PPP2R5C: variants seen among roughly 807,000 people sequenced by gnomAD.
PPP2R5C encodes the protein serine/threonine-protein phosphatase 2A 56 kDa regulatory subunit gamma isoform.
PPP2R5C carries 7 observed loss-of-function variants against 68.9 expected under a neutral mutation model. The ratio of observed to expected loss-of-function variants is 0.10; its 90% CI spans 0.06 to 0.19. The LOEUF (loss-of-function observed/expected upper bound fraction) is 0.19, where lower values mean the gene tolerates loss of function less well. Among genes scored for constraint, PPP2R5C ranks in the 10% least tolerant of loss-of-function variants. PPP2R5C has a pLI of 1.00. For missense variants in PPP2R5C, 348 were observed against 641.3 expected (o/e 0.54, Z 4.94); for synonymous variants, 210 against 222.2 (o/e 0.95, Z 0.49).
Position 101,837,933 on chromosome 14 carries a change from A to G in PPP2R5C, c.95-18753A>G, listed in dbSNP as rs144837131. On this transcript the variant is annotated intron_variant, in intron 1 of 13. Transcript: ENST00000334743. ...GACAGCTGGCAAGTGGGAGACTGAG[A>G]TTCAGGCTGGGCTGTCGGACTTGGC... is the stretch of plus-strand genomic sequence containing the variant. 5.3e-3 allele frequency among the ~76,000 whole-genome samples: 813 copies of G among 152,304 alleles called. 6 individuals carry two copies. Among genetic ancestry groups the G allele is most frequent in the African/African-American group, 0.018 (766 of 41,564 alleles).
intron 1 of PPP2R5C, among the ~76,000 whole-genome samples, chr14:101,814,123 G>A (rs549140786): frequency 2.0e-5 from 3 of 152,270 alleles, no homozygotes; most frequent in Admixed American, 6.5e-5. Flanking sequence ...GTGAGAATGG[G>A]TGCCCCCTGT....
intron 2 of PPP2R5C, among the ~76,000 whole-genome samples, chr14:101,776,881 CTTTT>C (rs1302841711): frequency 7.1e-6 from 1 of 140,260 alleles, no homozygotes. Flanking sequence ...ACCTCATTCC[CTTTT>C]TTTTTTTTTT....
chr14:101,910,660 A>C (rs561605037), intron 11 of PPP2R5C, among the ~76,000 whole-genome samples: 3 of 151,608 alleles, frequency 2.0e-5, no homozygotes, highest in Non-Finnish European at 4.4e-5. Context: ...GTGAAACCCC[A>C]TCTCTACTAA....
intron 1 of PPP2R5C, among the ~76,000 whole-genome samples, chr14:101,856,334 T>C (rs768811845): frequency 5.3e-5 from 8 of 152,248 alleles, no homozygotes; most frequent in Non-Finnish European, 8.8e-5. Context: ...TGGACCTTAC[T>C]GGTTGCCTCT....
intron 13 of PPP2R5C, among the ~76,000 whole-genome samples, chr14:101,924,299 G>C (rs2141219731): frequency 6.6e-6 from 1 of 151,924 alleles, no homozygotes; most frequent in East Asian, 1.9e-4. Context: ...TTTTTTTTAA[G>C]TGAAACCAAA....
rs1237447595 is a variant in PPP2R5C at position 101,783,413 on chromosome 14, G to T, written c.94-2605G>T. Among the ~76,000 whole-genome samples the T allele has an allele frequency of 5.9e-5, 9 of 151,300 alleles. No homozygotes were observed. In the South Asian group the frequency reaches 1.7e-3, roughly 28 times the overall value. On this transcript the variant is annotated intron_variant, in intron 2 of 14. Transcript: ENST00000328724. ...GAGCTGATGTCCCATCGGGGAGGAA[G>T]ATGCCCCCTCAGAGTTGGTGGGAGC...
At chr14:101,897,206 G>T (rs987823998) in intron 8 of PPP2R5C, among the ~76,000 whole-genome samples, 3 of 152,178 alleles carry the variant, frequency 2.0e-5, no homozygotes, top group Non-Finnish European at 2.9e-5. Flanking sequence ...CATAGTCAAG[G>T]CTTAGGGTGA....
In PPP2R5C at chr14:101,906,768, A is replaced by G; in HGVS notation, c.1151+239A>G. On this transcript the variant is annotated intron_variant, in intron 10 of 13. Transcript: ENST00000334743. This position sits in a 1 kb window ranked among gnomAD's most constrained non-coding sequence, Gnocchi z 4.0. ...GCACATTGGTTTGCAGCCACCTCCC[A>G]GTAGCAGCAGTTTCTAGGCCTCTTC... 2.2e-6 allele frequency: 1 copy of G among 462,356 alleles called. No homozygotes were observed. The highest frequency in any genetic ancestry group is 2.9e-5 in the South Asian group (1 of 33,956). The allele number at this position is 462,356 out of a possible 1,614,324, so 28.6% of individuals were successfully genotyped here.
intron 2 of PPP2R5C, among the ~76,000 whole-genome samples, chr14:101,776,026 C>G (rs889688366): frequency 4.1e-5 from 6 of 145,562 alleles, no homozygotes; most frequent in Non-Finnish European, 7.6e-5. Context: ...GATTGTGCCC[C>G]CCCCCCACTC....
chr14:101,849,806 A>G (rs2042046829), intron 1 of PPP2R5C, among the ~76,000 whole-genome samples: 4 of 151,938 alleles, frequency 2.6e-5, no homozygotes, highest in Admixed American at 2.6e-4. Flanking sequence ...CTCCTCTGCA[A>G]CCCTCTGCTG....
rs762428549 is a variant in PPP2R5C, at chr14:101,836,282, G to A, written c.95-20404G>A. The A allele has an allele frequency of 4.9e-4, 342 of 702,700 alleles. 1 individual carries two copies. The highest frequency in any genetic ancestry group is 4.6e-4 in the Middle Eastern group (2 of 4,364). 43.5% of individuals were successfully genotyped at this position (702,700 alleles called of 1,614,324 possible). ...AGAGCAAACCCATGGAGAACCCCGC[G>A]GCCCCCAAAGCATGGACGGAGCTGC... On this transcript the variant is annotated intron_variant, in intron 1 of 13. Coordinates refer to ENST00000334743, the Ensembl canonical transcript of PPP2R5C.
At chr14:101,862,720 T>C (rs1485090602) in intron 2 of PPP2R5C, among the ~76,000 whole-genome samples, 4 of 152,198 alleles carry the variant, frequency 2.6e-5, no homozygotes. Flanking sequence ...TAAAGAAATT[T>C]ACAGAAATGT....
chr14:101,835,765 G>C lies in PPP2R5C; in HGVS notation c.95-20921G>C, dbSNP rs750205259. ...GCCGCCTGCACAGCCGTCCCCTCAC[G>C]GGGTGCCTCTTGCCCTTGCAGATCA... On this transcript the variant is annotated intron_variant, in intron 1 of 13. Transcript: ENST00000334743. The surrounding 1 kb of genome is among the most constrained non-coding windows in gnomAD (Gnocchi z 5.0). Among the ~76,000 whole-genome samples, 1 of 152,078 alleles carries C rather than the reference G, an allele frequency of 6.6e-6. No homozygotes were observed. Among genetic ancestry groups the C allele is most frequent in the Non-Finnish European group, 1.5e-5 (1 of 68,032 alleles).
chr14:101,790,567 C>T (rs1039982852), intron 3 of PPP2R5C, among the ~76,000 whole-genome samples: 1 of 152,136 alleles, frequency 6.6e-6, no homozygotes, highest in Non-Finnish European at 1.5e-5. Flanking sequence ...TGTGTTGTTT[C>T]TTTTTAATGC....
chr14:101,770,265 GA>G (rs1020627669), intron 2 of PPP2R5C, among the ~76,000 whole-genome samples: 38 of 152,318 alleles, frequency 2.5e-4, no homozygotes, highest in African/African-American at 8.2e-4. Flanking sequence ...TGTTTTATAA[GA>G]TAGGGTTTGT....
intron 2 of PPP2R5C, among the ~76,000 whole-genome samples, chr14:101,777,151 C>T (rs554966830): frequency 1.3e-5 from 2 of 152,050 alleles, no homozygotes; most frequent in South Asian, 4.2e-4. Context: ...ACGCTCGTTC[C>T]TTTTTATAGC....
In PPP2R5C at chr14:101,762,207, G is replaced by A. The variant is rs374458135; in HGVS notation, c.27+287G>A. Among the ~76,000 whole-genome samples the A allele has an allele frequency of 6.6e-5, 10 of 152,098 alleles. No homozygotes were observed. In the East Asian group the frequency reaches 1.8e-3, roughly 27 times the overall value. On this transcript the variant is annotated intron_variant, in intron 1 of 14. Coordinates refer to the PPP2R5C transcript ENST00000328724. ...TGGGCGTGGAGGGAGGGCGCGGCCC[G>A]GGGAGGGGGTCGGAGGGGCGCCCGT...
At chr14:101,922,829 A>C (rs1312288763) in intron 13 of PPP2R5C, among the ~76,000 whole-genome samples, 1 of 152,128 alleles carries the variant, frequency 6.6e-6, no homozygotes, top group African/African-American at 2.4e-5. Flanking sequence ...AAAATAAAAA[A>C]AAAATTTTAA....
rs1450975556 is a variant in PPP2R5C, at chr14:101,917,826, T to C, written c.1327-5T>C. On this transcript the variant is annotated splice_region_variant and splice_polypyrimidine_tract_variant and intron_variant, in intron 12 of 13. Coordinates refer to ENST00000334743, the Ensembl canonical transcript of PPP2R5C. The surrounding 1 kb of genome is among the most constrained non-coding windows in gnomAD (Gnocchi z 4.4). ...AACAGAGCGACTCCACGCTTTGCAT[T>C]GCAGTACACAGTGTATAGTCAAGCC... The C allele has an allele frequency of 1.2e-6, 2 of 1,613,220 alleles. No individual in the cohort carries two copies. Among genetic ancestry groups the C allele is most frequent in the African/African-American group, 1.3e-5 (1 of 74,860 alleles).
Sources: gnomAD v4.1 joint callset for allele counts (sites outside exome capture counted in the v4.1 genomes callset) on GRCh38, gnomAD v4.1.1 for gene constraint, Gnocchi (gnomAD v3.1) non-coding constraint, MANE v1.5 for transcripts, NCBI Gene and HGNC (gene_info 2026-07-23, HGNC 2026-07-21) for gene names.